NTPCR: variants seen among roughly 807,000 people sequenced by gnomAD.
NTPCR encodes the protein cancer-related nucleoside-triphosphatase.
NTPCR carries 15 observed loss-of-function variants against 19.5 expected under a neutral mutation model. That is an observed-to-expected ratio of 0.77 (90% confidence interval 0.51 to 1.18). The LOEUF is 1.18. Among genes scored for constraint, NTPCR ranks in the 50% most tolerant of loss-of-function variants. The probability of loss-of-function intolerance (pLI) is 0.00; values close to 1 mark genes in which losing one functional copy is unlikely to be tolerated. For missense variants in NTPCR, 206 were observed against 240.4 expected (o/e 0.86, Z 0.95); for synonymous variants, 90 against 95.8 (o/e 0.94, Z 0.36).
Position 232,978,207 on chromosome 1 carries a change from G to A in NTPCR, c.549G>A (p.Thr183=), listed in dbSNP as rs34480211. The part of the protein sequence containing the change: ...NRNHLLPDIV[T]CVQSSRK ...ACCACCTTCTGCCAGATATCGTGAC[G>A]TGCGTGCAGAGCAGCAGGAAGTGAA... is the stretch of plus-strand genomic sequence containing the variant. The change falls in exon 5 of 5, where the codon ACG becomes ACA. Residue 183 remains threonine, a synonymous_variant. Coordinates refer to ENST00000366628, the MANE Select transcript of NTPCR (RefSeq NM_032324.3). 99 of 1,614,190 alleles carry A rather than the reference G, an allele frequency of 6.1e-5. 1 individual carries two copies. In the African/African-American group the frequency reaches 6.4e-4, roughly 10 times the overall value.
chr1:232,956,531 C>A, intron 3 of NTPCR, 88 bp downstream of exon 3: 2 of 853,260 alleles, frequency 2.3e-6, no homozygotes, highest in South Asian at 2.9e-5. Flanking sequence ...GCCTTTTGCT[C>A]TTAAAGGCCC....
chr1:232,956,614 GCTA>G (rs1405177029), intron 3 of NTPCR, among the ~76,000 whole-genome samples, 171 bp downstream of exon 3: 1 of 152,180 alleles, frequency 6.6e-6, no homozygotes, highest in Non-Finnish European at 1.5e-5. Context: ...ATCACTCTGA[GCTA>G]CAGATAAATT....
chr1:232,963,668 C>T (rs1274212871), intron 3 of NTPCR: 4 of 152,138 alleles, frequency 2.6e-5, no homozygotes, highest in Non-Finnish European at 5.9e-5. Context: ...TGAGAAAGTA[C>T]ATACGTGTGT....
intron 3 of NTPCR, among the ~76,000 whole-genome samples, chr1:232,960,213 CAAAA>C (rs755184503): frequency 3.6e-5 from 1 of 27,496 alleles, no homozygotes; most frequent in South Asian, 2.2e-3. Context: ...GACTCCATCT[CAAAA>C]AAAAAAAAAA....
At chr1:232,964,966 G>A (rs140573856) in intron 3 of NTPCR, 8 of 152,210 alleles carry the variant, frequency 5.3e-5, no homozygotes, top group Admixed American at 1.3e-4. Flanking sequence ...CTCTTCCACC[G>A]TCTTCTCGGG....
At chr1:232,950,820 T>C in intron 1 of NTPCR, 76 bp downstream of exon 1, 4 of 961,312 alleles carry the variant, frequency 4.2e-6, no homozygotes, top group Non-Finnish European at 6.2e-6. Context: ...CCTTGTGCTG[T>C]CGGGGAGGGT....
intron 4 of NTPCR, among the ~76,000 whole-genome samples, chr1:232,971,244 C>T (rs1330580856): frequency 1.3e-5 from 2 of 152,184 alleles, no homozygotes; most frequent in South Asian, 2.1e-4. Flanking sequence ...CACTCCCCAC[C>T]CCCAGTTTAA....
chr1:232,972,238 G>T (rs1026449853), intron 4 of NTPCR, among the ~76,000 whole-genome samples: 89 of 151,196 alleles, frequency 5.9e-4, no homozygotes, highest in African/African-American at 2.1e-3. Flanking sequence ...GACATACCCT[G>T]TTTTTTTTTG....
Position 232,981,735 on chromosome 1 carries a change from T to G in NTPCR, c.*3504T>G, listed in dbSNP as rs1374794256. On this transcript the variant is annotated 3_prime_UTR_variant, in exon 5 of 5. Transcript: ENST00000366628. ...TAACTCTTTTTTTTTTTTTTTTTTT[T>G]GAGACAGAGTCTCACTCTGTCGCTT... The G allele has an allele frequency of 2.3e-5, 3 of 127,966 alleles. No homozygotes were observed. Among genetic ancestry groups the G allele is most frequent in the Non-Finnish European group, 5.1e-5 (3 of 59,082 alleles). 7.9% of individuals were successfully genotyped at this position (127,966 alleles called of 1,614,324 possible). A position where few individuals can be genotyped will look rare whatever the true frequency, so the allele number is the denominator to read the frequency against.
intron 4 of NTPCR, among the ~76,000 whole-genome samples, chr1:232,973,957 C>T (rs1045047704): frequency 5.6e-4 from 86 of 152,316 alleles, no homozygotes; most frequent in African/African-American, 1.9e-3. Flanking sequence ...GTGACATTCA[C>T]ATCATTGTAG....
At chr1:232,955,933 G>A (rs1478171806) in intron 2 of NTPCR, among the ~76,000 whole-genome samples, 1 of 152,090 alleles carries the variant, frequency 6.6e-6, no homozygotes, top group East Asian at 1.9e-4. Context: ...TAGGCCTTTA[G>A]GGATTTCTCA....
chr1:232,971,678 C>G (rs1010674350), intron 4 of NTPCR, among the ~76,000 whole-genome samples: 7 of 152,046 alleles, frequency 4.6e-5, no homozygotes, highest in African/African-American at 1.4e-4. Context: ...AGCTGAATAC[C>G]AAAAATGTGA....
At chr1:232,960,213 C>CAAAAAAA (rs755184503) in intron 3 of NTPCR, among the ~76,000 whole-genome samples, 5 of 27,494 alleles carry the variant, frequency 1.8e-4, no homozygotes, top group African/African-American at 7.2e-4. Context: ...GACTCCATCT[C>CAAAAAAA]AAAAAAAAAA....
At chr1:232,953,501 T>A (rs140173924) in intron 1 of NTPCR, among the ~76,000 whole-genome samples, 73 of 152,334 alleles carry the variant, frequency 4.8e-4, no homozygotes, top group African/African-American at 1.7e-3. Context: ...GTCCCCACAG[T>A]ATACCCTTTG....
Position 232,983,790 on chromosome 1 carries a change from C to G in NTPCR, c.*5559C>G, listed in dbSNP as rs1669349415. 6.6e-6 allele frequency: 1 copy of G among 152,216 alleles called. No individual in the cohort carries two copies. The highest frequency in any genetic ancestry group is 2.1e-4 in the South Asian group (1 of 4,826). 9.4% of individuals were successfully genotyped at this position (152,216 alleles called of 1,614,324 possible). ...GGGTTTTCTTGACACTTAGATTTAA[C>G]CTTAATGCATCTGCCCAGCTGATGG... On this transcript the variant is annotated 3_prime_UTR_variant, in exon 5 of 5. Transcript: ENST00000366628.
At chr1:232,976,772 C>T (rs918832168) in intron 4 of NTPCR, 5 of 425,390 alleles carry the variant, frequency 1.2e-5, no homozygotes, top group Non-Finnish European at 2.0e-5. Context: ...AATGGGATCA[C>T]GGGATTGACG....
intron 3 of NTPCR, among the ~76,000 whole-genome samples, chr1:232,961,345 T>A (rs1473972103): frequency 1.3e-5 from 2 of 152,252 alleles, no homozygotes; most frequent in Non-Finnish European, 2.9e-5. Flanking sequence ...TGGTGCTGCG[T>A]TGACTTTGTG....
At chr1:232,968,619 C>T (rs1343887114) in intron 3 of NTPCR, 1 of 152,196 alleles carries the variant, frequency 6.6e-6, no homozygotes, top group Non-Finnish European at 1.5e-5. Flanking sequence ...CACTGGCTGC[C>T]CCTGGTTGCC....
chr1:232,971,868 T>C (rs973558895), intron 4 of NTPCR, among the ~76,000 whole-genome samples: 24 of 152,312 alleles, frequency 1.6e-4, no homozygotes, highest in Admixed American at 2.6e-4. Flanking sequence ...TTCTCTTATT[T>C]TACATTTTTG....
Sources: allele counts gnomAD v4.1 joint callset (sites outside exome capture counted in the v4.1 genomes callset), GRCh38; gene constraint gnomAD v4.1.1; transcripts MANE v1.5; gene names NCBI Gene and HGNC (gene_info 2026-07-23, HGNC 2026-07-21).